The following EMILIN2 variants were observed in gnomAD, a reference collection of about 807,000 sequenced individuals.
EMILIN2 encodes elastin microfibril interfacer 2, also known as EMILIN-2.
Under a neutral mutation model 87.1 loss-of-function variants are expected in EMILIN2, and 71 were observed. The ratio of observed to expected loss-of-function variants is 0.82; its 90% confidence interval spans 0.67 to 0.99. The LOEUF (loss-of-function observed/expected upper bound fraction) is 0.99. EMILIN2 is among the 50% of genes least tolerant of loss of function. The pLI, the probability that EMILIN2 is intolerant of heterozygous loss-of-function variation, is 0.00. For synonymous variants in EMILIN2, 581 were observed against 563.4 expected (o/e 1.03, Z -0.44); for missense variants, 1,407 against 1,371.8 (o/e 1.03, Z -0.40).
intron 2 of EMILIN2, among the ~76,000 whole-genome samples, chr18:2,873,050 A>T (rs57744896): frequency 0.091 from 12,404 of 135,758 alleles, 532 homozygotes; most frequent in South Asian, 0.19. Flanking sequence ...TATGTGATTT[A>T]AAAAAAAAAA....
intron 2 of EMILIN2, among the ~76,000 whole-genome samples, chr18:2,882,054 G>A (rs2076779517): frequency 6.6e-6 from 1 of 152,224 alleles, no homozygotes; most frequent in South Asian, 2.1e-4. Context: ...TGGGGTGCAG[G>A]GAGGAGGCTT....
In EMILIN2 at chr18:2,891,038, C is replaced by T. The variant is rs535509415; in HGVS notation, c.911C>T (p.Pro304Leu). Reference protein sequence around the residue: ...LRQLQEAAQGPTVTMTTNELY... With the variant: ...LRQLQEAAQGLTVTMTTNELY... Reference sequence around the variant, plus strand: ...CAGCTCCAGGAAGCAGCTCAGGGCCCGACGGTGACCATGACAACCAACGAA... The same window carrying T: ...CAGCTCCAGGAAGCAGCTCAGGGCCTGACGGTGACCATGACAACCAACGAA... Residue 304 changes from proline (P) to leucine (L), a missense_variant, in exon 4 of 8, where the codon CCG becomes CTG. By Grantham distance (98) the Pro-to-Leu change is moderately conservative. Coordinates refer to ENST00000254528, the MANE Select transcript of EMILIN2 (RefSeq NM_032048.3). The surrounding 1 kb of genome is among the most constrained non-coding windows in gnomAD (Gnocchi z 4.6). 1.4e-5 allele frequency: 22 copies of T among 1,614,008 alleles called. No homozygotes were observed. The highest frequency in any genetic ancestry group is 2.2e-5 in the South Asian group (2 of 91,076).
rs139273490 is a variant in EMILIN2, at chr18:2,891,868, C to A, written c.1741C>A (p.His581Asn). Residue 581 changes from histidine (H) to asparagine (N), a missense_variant, in exon 4 of 8, where the codon CAC (histidine) becomes AAC (asparagine). Physicochemically the swap from His to Asn is moderately conservative, Grantham distance 68. Transcript: ENST00000254528. The surrounding 1 kb of genome is among the most constrained non-coding windows in gnomAD (Gnocchi z 4.6). ...AGACCGCGCAGTACGCGACAGCCTG[C>A]ACCTTTTGAAATCTCTCAACGACAC... is the stretch of plus-strand genomic sequence containing the variant. ...REDRAVRDSL[H>N]LLKSLNDTMH... is the part of the protein sequence containing the mutation. The A allele has an allele frequency of 6.2e-7, 1 of 1,614,276 alleles. No individual in the cohort carries two copies. The highest frequency in any genetic ancestry group is 1.1e-5 in the South Asian group (1 of 91,092).
At position 2,848,605 on chromosome 18, in the gene EMILIN2, A is replaced by AC. The variant is rs1317144654; in HGVS notation, c.257+674_257+675insC. Among the ~76,000 whole-genome samples the AC allele has an allele frequency of 5.3e-5, 8 of 152,012 alleles. No individual in the cohort carries two copies. Among genetic ancestry groups the AC allele is most frequent in the Non-Finnish European group, 1.0e-4 (7 of 67,998 alleles). ...GATTTCCCCATCTTAAAAAAAAAAA[A>AC]AAACAGGAAGCAATGCAATAAAGTA... On this transcript the variant is annotated intron_variant, in intron 2 of 7. Transcript: ENST00000254528. This position sits in a 1 kb window ranked among gnomAD's most constrained non-coding sequence, Gnocchi z 4.1.
chr18:2,906,589 G>C, intron 4 of EMILIN2, 194 bp from the exon 5 acceptor site: 1 of 408,212 alleles, frequency 2.4e-6, no homozygotes, highest in Non-Finnish European at 4.1e-6. Context: ...CCCCGGCGGC[G>C]TCCGGGTGGC....
intron 2 of EMILIN2, among the ~76,000 whole-genome samples, chr18:2,867,660 G>T (rs1257293208): frequency 3.3e-5 from 5 of 152,244 alleles, no homozygotes; most frequent in Admixed American, 3.3e-4. Context: ...AGAGCACAGG[G>T]TTGGGGGTAA....
rs530377684 is a variant in EMILIN2 at position 2,854,303 on chromosome 18, G to A, written c.257+6372G>A. Among the ~76,000 whole-genome samples the A allele has an allele frequency of 2.0e-5, 3 of 152,240 alleles. No homozygotes were observed. The South Asian group carries it at 6.2e-4, about 32-fold the overall frequency. ...ACCAGTCGGGGGAGGGATCTGGGTG[G>A]GGCCAACACACAGAGCCTGTGCTGC... On this transcript the variant is annotated intron_variant, in intron 2 of 7. Coordinates refer to ENST00000254528, the MANE Select transcript of EMILIN2 (RefSeq NM_032048.3).
intron 2 of EMILIN2, among the ~76,000 whole-genome samples, chr18:2,856,828 A>G (rs575974429): frequency 1.3e-5 from 2 of 152,318 alleles, no homozygotes; most frequent in East Asian, 3.9e-4. Context: ...TCTCCTTACA[A>G]AGAACCATTT....
At chr18:2,888,734 G>A (rs868864222) in intron 3 of EMILIN2, among the ~76,000 whole-genome samples, 22 of 132,012 alleles carry the variant, frequency 1.7e-4, no homozygotes, top group South Asian at 8.6e-4. Flanking sequence ...AAAAAAAAGA[G>A]AGAGAGAGAG....
At chr18:2,910,766 C>A (rs758846994) in intron 7 of EMILIN2, among the ~76,000 whole-genome samples, 1 of 152,210 alleles carries the variant, frequency 6.6e-6, no homozygotes, top group Non-Finnish European at 1.5e-5. Context: ...TGTCTAGTCA[C>A]TGTCTGGCTA....
intron 4 of EMILIN2, among the ~76,000 whole-genome samples, chr18:2,905,542 T>C (rs1207204856): frequency 2.6e-5 from 4 of 152,100 alleles, no homozygotes; most frequent in Non-Finnish European, 5.9e-5. Flanking sequence ...AATTGCTGAC[T>C]GCAGTCACCC....
intron 2 of EMILIN2, among the ~76,000 whole-genome samples, chr18:2,875,763 A>C (rs1282600324): frequency 6.6e-6 from 1 of 152,240 alleles, no homozygotes; most frequent in African/African-American, 2.4e-5. Flanking sequence ...CGGCTCTCCT[A>C]GCAAATCTAA....
chr18:2,858,660 T>G (rs1186571327), intron 2 of EMILIN2, among the ~76,000 whole-genome samples: 2 of 147,160 alleles, frequency 1.4e-5, no homozygotes, highest in Non-Finnish European at 3.0e-5. Context: ...TTTCTTCTGA[T>G]TCTCACTCTG....
chr18:2,899,950 A>T (rs986522726), intron 4 of EMILIN2, among the ~76,000 whole-genome samples: 3 of 152,240 alleles, frequency 2.0e-5, no homozygotes, highest in Admixed American at 6.5e-5. Flanking sequence ...ACATGACTAA[A>T]GCTGTATTTA....
chr18:2,907,774 G>C (rs1316438471), intron 5 of EMILIN2, among the ~76,000 whole-genome samples: 1 of 152,242 alleles, frequency 6.6e-6, no homozygotes, highest in African/African-American at 2.4e-5. Context: ...TGTGAAGCCA[G>C]TGTTGTTTTA....
chr18:2,866,307 G>A (rs2076686607), intron 2 of EMILIN2, among the ~76,000 whole-genome samples: 1 of 152,220 alleles, frequency 6.6e-6, no homozygotes, highest in South Asian at 2.1e-4. Flanking sequence ...GCTGTAGACT[G>A]GAGCTGTTCC....
upstream of EMILIN2, chr18:2,846,885 G>A: frequency 2.0e-6 from 2 of 988,642 alleles, no homozygotes; most frequent in Non-Finnish European, 2.4e-6. The surrounding 1 kb of genome is among the most constrained non-coding windows in gnomAD (Gnocchi z 5.3). Flanking sequence ...ACTGGAGACG[G>A]GGAGACTTGG....
At chr18:2,903,146 A>C (rs983464954) in intron 4 of EMILIN2, among the ~76,000 whole-genome samples, 1 of 138,654 alleles carries the variant, frequency 7.2e-6, no homozygotes, top group East Asian at 2.5e-4. Flanking sequence ...GAGAGGAGTG[A>C]TGTCAGATGG....
chr18:2,897,313 G>A (rs1356484655), intron 4 of EMILIN2, among the ~76,000 whole-genome samples: 1 of 152,166 alleles, frequency 6.6e-6, no homozygotes, highest in Non-Finnish European at 1.5e-5. Flanking sequence ...AATCACTCAG[G>A]AAAATTACCT....
Sources: allele counts gnomAD v4.1 joint callset (sites outside exome capture counted in the v4.1 genomes callset), GRCh38; gene constraint gnomAD v4.1.1; non-coding constraint Gnocchi (gnomAD v3.1); transcripts MANE v1.5; gene names NCBI Gene and HGNC (gene_info 2026-07-23, HGNC 2026-07-21).